GALK2: variants seen among roughly 807,000 people sequenced by gnomAD.
The protein encoded by GALK2 is N-acetylgalactosamine kinase.
Under a neutral mutation model 52.4 loss-of-function variants are expected in GALK2, and 36 were observed. That is an observed-to-expected ratio of 0.69 (90% CI 0.53 to 0.91). The LOEUF (loss-of-function observed/expected upper bound fraction) is 0.91. GALK2 is among the 40% of genes least tolerant of loss of function. The pLI is 0.00. For missense variants in GALK2, 579 were observed against 559.1 expected, an observed-to-expected ratio of 1.04 and a Z score of -0.36; for synonymous variants, 176 against 199.1, an observed-to-expected ratio of 0.88 and a Z score of 0.98.
At chr15:49,180,574 T>G (rs572638064) in intron 1 of GALK2, among the ~76,000 whole-genome samples, 12 of 152,362 alleles carry the variant, frequency 7.9e-5, no homozygotes, top group Admixed American at 7.8e-4. Flanking sequence ...ATTTACTTCA[T>G]TTTTAAACAT....
Position 49,285,439 on chromosome 15 carries a change from C to A in GALK2, c.756+1721C>A, listed in dbSNP as rs1357904532. Among the ~76,000 whole-genome samples the A allele has an allele frequency of 2.0e-5, 3 of 151,958 alleles. No individual in the cohort carries two copies. The East Asian group carries it at 5.8e-4, about 29-fold the overall frequency. The stretch of plus-strand genomic sequence containing the variant: ...CCACAGATGTTTAAATGTTGGTGTT[C>A]TTCAAGGCCTTGGCCTTGGTCGTCT... On this transcript the variant is annotated intron_variant, in intron 7 of 9. Coordinates refer to ENST00000560031, the MANE Select transcript of GALK2 (RefSeq NM_002044.4).
At chr15:49,241,066 A>G (rs1350108445) in intron 5 of GALK2, among the ~76,000 whole-genome samples, 2 of 152,134 alleles carry the variant, frequency 1.3e-5, no homozygotes, top group African/African-American at 4.8e-5. Flanking sequence ...CAAAGATTAT[A>G]TCGGTGTCTG....
chr15:49,340,933 T>G (rs1179924399), intron 3 of GALK2, among the ~76,000 whole-genome samples: 2 of 152,184 alleles, frequency 1.3e-5, no homozygotes, highest in Non-Finnish European at 2.9e-5. Flanking sequence ...TTTGAGTTAA[T>G]TTTTGTATAT....
At chr15:49,345,663 C>T (rs967338256) in intron 3 of GALK2, among the ~76,000 whole-genome samples, 2 of 152,188 alleles carry the variant, frequency 1.3e-5, no homozygotes, top group Non-Finnish European at 2.9e-5. Flanking sequence ...TGGTAAGCCA[C>T]TGAATGGAAG....
chr15:49,257,155 AG>A (rs1399250038), intron 5 of GALK2, among the ~76,000 whole-genome samples: 1 of 152,086 alleles, frequency 6.6e-6, no homozygotes, highest in East Asian at 1.9e-4. Flanking sequence ...TGTCATTATT[AG>A]TTTTAGGCAT....
chr15:49,306,563 A>C (rs554884637), intron 8 of GALK2, among the ~76,000 whole-genome samples: 1 of 152,030 alleles, frequency 6.6e-6, no homozygotes, highest in Non-Finnish European at 1.5e-5. Context: ...TTATTCCCTT[A>C]TGTATTTTTC....
intron 9 of GALK2, 48 bp from the exon 10 acceptor site, chr15:49,327,901 CCCT>C (rs760312729): frequency 6.5e-7 from 1 of 1,549,240 alleles, no homozygotes; most frequent in African/African-American, 1.4e-5. Context: ...CCAAGCAAAT[CCCT>C]TGTATTTTCA....
intron 5 of GALK2, among the ~76,000 whole-genome samples, chr15:49,261,495 C>G (rs1298009137): frequency 1.3e-5 from 2 of 152,144 alleles, no homozygotes; most frequent in Non-Finnish European, 2.9e-5. Context: ...TCCAGATATA[C>G]AATCATGTCA....
chr15:49,362,388 C>T (rs954420738), intron 3 of GALK2, among the ~76,000 whole-genome samples: 5 of 152,150 alleles, frequency 3.3e-5, no homozygotes, highest in Admixed American at 3.3e-4. Flanking sequence ...CTGAGGCTCC[C>T]CAGTCATGCT....
intron 8 of GALK2, among the ~76,000 whole-genome samples, chr15:49,295,367 C>G (rs2034381867): frequency 6.6e-6 from 1 of 151,282 alleles, no homozygotes; most frequent in Admixed American, 6.6e-5. Flanking sequence ...ATAGATTCAT[C>G]TATCTATCAT....
At chr15:49,299,585 G>A (rs1357767573) in intron 8 of GALK2, among the ~76,000 whole-genome samples, 1 of 151,854 alleles carries the variant, frequency 6.6e-6, no homozygotes, top group African/African-American at 2.4e-5. Context: ...ATATATATTT[G>A]TTTTCATTAG....
At chr15:49,190,349 G>A (rs1394055505) in intron 1 of GALK2, among the ~76,000 whole-genome samples, 1 of 152,040 alleles carries the variant, frequency 6.6e-6, no homozygotes, top group Non-Finnish European at 1.5e-5. Context: ...TTGCCCCCTG[G>A]CTGTTAATGT....
At chr15:49,347,060 C>T (rs2041611208) in intron 3 of GALK2, among the ~76,000 whole-genome samples, 1 of 152,134 alleles carries the variant, frequency 6.6e-6, no homozygotes, top group African/African-American at 2.4e-5. Context: ...TCTAAATGGC[C>T]TAGAATTATA....
chr15:49,201,058 G>A, intron 1 of GALK2, 104 bp from the exon 2 acceptor site: 1 of 517,196 alleles, frequency 1.9e-6, no homozygotes, highest in Non-Finnish European at 3.5e-6. Context: ...TATGGAGTGT[G>A]TGTGTGTGTG....
chr15:49,190,385 T>G (rs534704537), intron 1 of GALK2, among the ~76,000 whole-genome samples: 1 of 152,364 alleles, frequency 6.6e-6, no homozygotes, highest in African/African-American at 2.4e-5. Context: ...TATATATTTC[T>G]AAATGCATAT....
chr15:49,210,369 A>G (rs1595678223), intron 2 of GALK2, among the ~76,000 whole-genome samples: 1 of 151,382 alleles, frequency 6.6e-6, no homozygotes, highest in Admixed American at 6.6e-5. Context: ...GAGATGTACC[A>G]TTAGGTTGTT....
chr15:49,335,367 A>G, downstream of GALK2: 1 of 1,193,374 alleles, frequency 8.4e-7, no homozygotes, highest in South Asian at 1.3e-5. Context: ...GATTGTTTCC[A>G]GTTCTAAAAA....
intron 5 of GALK2, among the ~76,000 whole-genome samples, chr15:49,247,862 C>G (rs556592518): frequency 2.0e-5 from 3 of 152,296 alleles, no homozygotes; most frequent in Admixed American, 6.5e-5. Flanking sequence ...TTTCTAGTTG[C>G]TTAAGTCCCT....
chr15:49,213,136 G>A (rs1240970497), intron 2 of GALK2, among the ~76,000 whole-genome samples: 1 of 152,086 alleles, frequency 6.6e-6, no homozygotes, highest in African/African-American at 2.4e-5. Context: ...CTTCTTTTTA[G>A]TTTTAATAAT....
Sources: allele counts gnomAD v4.1 joint callset (sites outside exome capture counted in the v4.1 genomes callset), GRCh38; gene constraint gnomAD v4.1.1; transcripts MANE v1.5; gene names NCBI Gene and HGNC (gene_info 2026-07-23, HGNC 2026-07-21).